STRA6: variants seen among roughly 807,000 people sequenced by gnomAD.
The protein encoded by STRA6 is signaling receptor and transporter of retinol STRA6, also known as receptor for retinol uptake STRA6.
STRA6 carries 48 observed loss-of-function variants against 83.6 expected under a neutral mutation model. The observed-to-expected ratio is 0.57, with a 90% confidence interval of 0.46 to 0.73. The LOEUF (loss-of-function observed/expected upper bound fraction) is 0.73. Among genes scored for constraint, STRA6 ranks in the 30% least tolerant of loss-of-function variants. The pLI is 0.00. For synonymous variants in STRA6, 353 were observed against 362.3 expected (o/e 0.97, Z 0.29); for missense variants, 760 against 838.8 (o/e 0.91, Z 1.16).
At chr15:74,198,420 T>C (rs2073919467) in intron 2 of STRA6, among the ~76,000 whole-genome samples, 1 of 152,182 alleles carries the variant, frequency 6.6e-6, no homozygotes, top group Non-Finnish European at 1.5e-5. Context: ...TGAGCACTTA[T>C]TCTTGCTCAC....
chr15:74,195,926 C>T lies in STRA6; in HGVS notation c.406+82G>A, dbSNP rs990555180. 7 of 1,589,904 alleles carry T rather than the reference C, an allele frequency of 4.4e-6. No homozygotes were observed. The African/African-American group carries it at 9.4e-5, about 21-fold the overall frequency. On this transcript the variant is annotated intron_variant, in intron 5 of 18. Coordinates refer to ENST00000395105, the MANE Select transcript of STRA6 (RefSeq NM_022369.4). ...CAGCTGTTCCTGTTACTCTCATCTC[C>T]TTGAGCCAAGCTTAAAACTCCGAGA...
rs764497433 is a variant in STRA6, at chr15:74,182,474, G to T, written c.1301-14C>A. ...GCACCAGGAGCCCTGCCAGGGGCGG[G>T]AGTGGCAGGGGGACAGAAAACAGGT... On this transcript the variant is annotated splice_polypyrimidine_tract_variant and intron_variant, in intron 14 of 18. Transcript: ENST00000395105. The T allele has an allele frequency of 1.1e-5, 17 of 1,597,444 alleles. No individual in the cohort carries two copies. In the South Asian group the frequency reaches 1.8e-4, roughly 17 times the overall value.
At chr15:74,201,432 G>A (rs996539121) in intron 2 of STRA6, among the ~76,000 whole-genome samples, 4 of 152,188 alleles carry the variant, frequency 2.6e-5, no homozygotes, top group Non-Finnish European at 5.9e-5. Context: ...ATCCTGGCAG[G>A]AGGTGGGGGA....
intron 7 of STRA6, chr15:74,194,888 T>C: frequency 2.2e-6 from 3 of 1,383,002 alleles, no homozygotes; most frequent in Non-Finnish European, 2.8e-6. Context: ...GGTTCCGGAA[T>C]TCTCCTCTCA....
At chr15:74,193,988 G>T in intron 7 of STRA6, 66 bp from the exon 8 acceptor site, 2 of 1,596,348 alleles carry the variant, frequency 1.3e-6, no homozygotes, top group East Asian at 2.3e-5. Context: ...ACCAGAATCC[G>T]TTGCCCTTCC....
rs1595818080 is a variant in STRA6, at chr15:74,179,987, T to C, written c.*93A>G. Reference sequence around the variant, plus strand: ...GAGGACCTGCTGGCTGCATGGCTGGTGTGATGCTGGGAGGAGAGCCGGGGA... The same window carrying C: ...GAGGACCTGCTGGCTGCATGGCTGGCGTGATGCTGGGAGGAGAGCCGGGGA... On this transcript the variant is annotated 3_prime_UTR_variant, in exon 19 of 19. Transcript: ENST00000395105. 1 of 1,518,638 alleles carries C rather than the reference T, an allele frequency of 6.6e-7. No individual in the cohort carries two copies. Among genetic ancestry groups the C allele is most frequent in the Non-Finnish European group, 9.0e-7 (1 of 1,109,724 alleles). 94.1% of individuals were successfully genotyped at this position (1,518,638 alleles called of 1,614,324 possible). A position where few individuals can be genotyped will look rare whatever the true frequency, so the allele number is the denominator to read the frequency against.
chr15:74,195,261 T>G (rs376548753), intron 7 of STRA6, 41 bp downstream of exon 7: 9 of 1,605,674 alleles, frequency 5.6e-6, no homozygotes, highest in Admixed American at 1.7e-5. Flanking sequence ...TAGGTTGCTC[T>G]GTGCGCCCCT....
In STRA6 at chr15:74,180,178, T is replaced by C. The variant is rs1454762334; in HGVS notation, c.1906A>G (p.Arg636Gly). 6.2e-7 allele frequency: 1 copy of C among 1,613,996 alleles called. No homozygotes were observed. The highest frequency in any genetic ancestry group is 1.7e-5 in the Admixed American group (1 of 60,024). ...KGARPGASRG[R>G]ARWGLAYTLL... is the part of the protein sequence containing the mutation. ...GTGTAGGCCAGACCCCAGCGAGCCC[T>C]GCCGCGGCTGGCCCCGGGCCTAGCT... is the stretch of plus-strand genomic sequence containing the variant. The change falls in exon 19 of 19, where the codon AGG (arginine) becomes GGG (glycine). Residue 636 changes from arginine to glycine, a missense_variant. Transcript: ENST00000395105.
Position 74,181,317 on chromosome 15 carries a change from C to G in STRA6, c.1662G>C (p.Pro554=). 1 of 1,611,818 alleles carries G rather than the reference C, an allele frequency of 6.2e-7. No homozygotes were observed. Among genetic ancestry groups the G allele is most frequent in the South Asian group, 1.1e-5 (1 of 90,904 alleles). ...TACCGGGGTCGAGAGTGGCGGCTCT[C>G]GGTGGCAGCAGGCTGAGGTCCATCT... ...LGQMDLSLLP[P]RAATLDPGYY... The change falls in exon 17 of 19, where the codon CCG becomes CCC. Residue 554 remains proline, a synonymous_variant. Coordinates refer to ENST00000395105, the MANE Select transcript of STRA6 (RefSeq NM_022369.4).
chr15:74,194,935 C>T, intron 7 of STRA6: 2 of 1,424,010 alleles, frequency 1.4e-6, no homozygotes, highest in Non-Finnish European at 1.8e-6. Context: ...CACTTGCCGG[C>T]CTCCATCAAG....
Position 74,180,232 on chromosome 15 carries a change from G to A in STRA6, c.1852C>T (p.Leu618=). 1 of 1,614,122 alleles carries A rather than the reference G, an allele frequency of 6.2e-7. No homozygotes were observed. Among genetic ancestry groups the A allele is most frequent in the East Asian group, 2.2e-5 (1 of 44,880 alleles). The change falls in exon 19 of 19, where the codon CTA becomes TTA. Residue 618 remains leucine, a synonymous_variant. Coordinates refer to ENST00000395105, the MANE Select transcript of STRA6 (RefSeq NM_022369.4). The stretch of plus-strand genomic sequence containing the variant: ...TTGGCCATGGAGTCCTTTGTCTGTA[G>A]CAGCTGCATCCCTGAGAGAGACGGA... ...PGEEDEGMQL[L]QTKDSMAKGA...
At position 74,188,278 on chromosome 15, in the gene STRA6, T is replaced by TG. The variant is rs2073355937; in HGVS notation, c.1090+836dup. Among the ~76,000 whole-genome samples, 1 of 152,214 alleles carries TG rather than the reference T, an allele frequency of 6.6e-6. No homozygotes were observed. The highest frequency in any genetic ancestry group is 1.5e-5 in the Non-Finnish European group (1 of 68,034). ...GCTGCGGAGCAGCTACACCTCCACC[T>TG]GCAACGCTGGCAGCCCACGCTCTGA... is the stretch of plus-strand genomic sequence containing the variant. On this transcript the variant is annotated intron_variant, in intron 12 of 18. Transcript: ENST00000395105. This position sits in a 1 kb window ranked among gnomAD's most constrained non-coding sequence, Gnocchi z 4.5.
chr15:74,208,777 T>G (rs575620474), intron 1 of STRA6: 2 of 988,820 alleles, frequency 2.0e-6, no homozygotes, highest in East Asian at 2.3e-4. Flanking sequence ...CCACCTGGCC[T>G]CCCAGACTTG....
At chr15:74,199,878 G>A (rs2073980596) in intron 2 of STRA6, among the ~76,000 whole-genome samples, 1 of 152,234 alleles carries the variant, frequency 6.6e-6, no homozygotes. Flanking sequence ...ATGCAGAGGA[G>A]GGAGAACTTT....
Position 74,188,862 on chromosome 15 carries a change from G to A in STRA6, c.1090+253C>T, listed in dbSNP as rs916163632. Reference sequence around the variant, plus strand: ...CCTGGATAGTTGGTCAGAGACACTGGGGGTGGTGGGGGAAGATGCCACAGA... The same window carrying A: ...CCTGGATAGTTGGTCAGAGACACTGAGGGTGGTGGGGGAAGATGCCACAGA... On this transcript the variant is annotated intron_variant, in intron 12 of 18. Coordinates refer to ENST00000395105, the MANE Select transcript of STRA6 (RefSeq NM_022369.4). The surrounding 1 kb of genome is among the most constrained non-coding windows in gnomAD (Gnocchi z 4.5). 2.0e-5 allele frequency among the ~76,000 whole-genome samples: 3 copies of A among 152,202 alleles called. No homozygotes were observed. Among genetic ancestry groups the A allele is most frequent in the African/African-American group, 7.2e-5 (3 of 41,450 alleles).
intron 14 of STRA6, chr15:74,183,241 G>C: frequency 5.9e-6 from 1 of 169,444 alleles, no homozygotes; most frequent in Admixed American, 5.5e-5. Flanking sequence ...CCAGTGACAG[G>C]GATCTCATTA....
chr15:74,208,997 G>C, exon 1 of STRA6: 1 of 1,030,576 alleles, frequency 9.7e-7, no homozygotes, highest in Non-Finnish European at 1.2e-6. Context: ...CCTGAGAAGT[G>C]TCCCCAGCAC....
upstream of STRA6, among the ~76,000 whole-genome samples, chr15:74,211,824 C>G (rs1183346938): frequency 1.3e-5 from 2 of 151,996 alleles, no homozygotes; most frequent in Non-Finnish European, 2.9e-5. Context: ...GACTCAGTCT[C>G]CCTCCTTTCC....
At chr15:74,193,370 C>G (rs1020366393) in intron 8 of STRA6, among the ~76,000 whole-genome samples, 1 of 152,160 alleles carries the variant, frequency 6.6e-6, no homozygotes, top group African/African-American at 2.4e-5. Flanking sequence ...TCCCCTTTAT[C>G]TGAAATTATT....
Sources: allele counts gnomAD v4.1 joint callset (sites outside exome capture counted in the v4.1 genomes callset), GRCh38; gene constraint gnomAD v4.1.1; non-coding constraint Gnocchi (gnomAD v3.1); transcripts MANE v1.5; gene names NCBI Gene and HGNC (gene_info 2026-07-23, HGNC 2026-07-21).